Variants in FPGT observed in about 807,000 individuals in gnomAD.
FPGT encodes the protein GDP-L-fucose diphosphorylase.
In FPGT, 41 loss-of-function variants were observed where a neutral mutation model predicts 45.8. The ratio of observed to expected loss-of-function variants is 0.90; its 90% CI spans 0.70 to 1.16. The LOEUF is 1.16. Ranked by LOEUF, FPGT falls within the 50% of genes most tolerant of loss-of-function variation. FPGT has a pLI of 0.00. For synonymous variants in FPGT, 292 were observed against 247.2 expected (o/e 1.18, Z -1.70); for missense variants, 755 against 689.1 (o/e 1.10, Z -1.07).
At position 74,207,863 on chromosome 1, in the gene FPGT, A is replaced by G. The variant is rs1652408256; in HGVS notation, c.*2031A>G. Among the ~76,000 whole-genome samples the G allele has an allele frequency of 6.6e-6, 1 of 152,034 alleles. No individual in the cohort carries two copies. The highest frequency in any genetic ancestry group is 1.5e-5 in the Non-Finnish European group (1 of 67,960). ...ATGTTTATTAAGTGCTCAATACTGT[A>G]TTTTAACCTAATCTGAATTTTAATC... On this transcript the variant is annotated 3_prime_UTR_variant, in exon 4 of 4. Coordinates refer to ENST00000370898, the MANE Select transcript of FPGT (RefSeq NM_003838.5).
Position 74,204,652 on chromosome 1 carries a change from C to T in FPGT, c.605C>T (p.Thr202Ile). ...CCTTCTAGTTTGACGATAGGTACCACACATGGAGTATTTGTCTTAGATCCT... is the reference window on the plus strand; with the variant it reads ...CCTTCTAGTTTGACGATAGGTACCATACATGGAGTATTTGTCTTAGATCCT... ...AHPSSLTIGT[T>I]HGVFVLDPFD... Residue 202 changes from threonine to isoleucine, a missense_variant, in exon 4 of 4, where the codon ACA becomes ATA. By Grantham distance (89) the Thr-to-Ile change is moderately conservative (BLOSUM62 -1). Transcript: ENST00000370898. 2 of 1,613,400 alleles carry T rather than the reference C, an allele frequency of 1.2e-6. No homozygotes were observed. The highest frequency in any genetic ancestry group is 2.2e-5 in the East Asian group (1 of 44,868).
chr1:74,206,046 C>T lies in FPGT; in HGVS notation c.*214C>T. ...AAGAGATACTATTTTGGATGTGTATCAGTATTTTTGTTTTTAATAATGATT... is the reference window on the plus strand; with the variant it reads ...AAGAGATACTATTTTGGATGTGTATTAGTATTTTTGTTTTTAATAATGATT... On this transcript the variant is annotated 3_prime_UTR_variant, in exon 4 of 4. Coordinates refer to ENST00000370898, the MANE Select transcript of FPGT (RefSeq NM_003838.5). The T allele has an allele frequency of 2.6e-6, 1 of 388,020 alleles. No individual in the cohort carries two copies. The highest frequency in any genetic ancestry group is 2.1e-5 in the African/African-American group (1 of 48,156). The allele number at this position is 388,020 out of a possible 1,614,324, so 24.0% of individuals were successfully genotyped here.
In FPGT at chr1:74,201,333, C is replaced by T. The variant is rs1282615501; in HGVS notation, c.266C>T (p.Thr89Ile). ...AGAKIGNGGS[T>I]LCALQCLEKL... ...TGTTTTTAAGGAAATGGAGGATCAA[C>T]ACTTTGTGCCCTTCAATGTTTGGAA... Residue 89 changes from threonine (T) to isoleucine (I), a missense_variant, in exon 3 of 4, where the codon ACA becomes ATA. By Grantham distance (89) the Thr-to-Ile change is moderately conservative (BLOSUM62 -1). Transcript: ENST00000370898. 1 of 1,610,328 alleles carries T rather than the reference C, an allele frequency of 6.2e-7. No homozygotes were observed. The highest frequency in any genetic ancestry group is 1.7e-5 in the Admixed American group (1 of 59,072).
At chr1:74,199,610 C>T in intron 1 of FPGT, 54 bp from the exon 2 acceptor site, 1 of 1,573,624 alleles carries the variant, frequency 6.4e-7, no homozygotes, top group Non-Finnish European at 8.6e-7. Flanking sequence ...AAACCTGTGG[C>T]AACTAGAAAA....
At chr1:74,201,226 T>G (rs1651760574) in intron 2 of FPGT, 92 bp from the exon 3 acceptor site, 1 of 1,014,056 alleles carries the variant, frequency 9.9e-7, no homozygotes, top group Non-Finnish European at 1.5e-6. Context: ...AGGCAAATCC[T>G]TAAGGTTATA....
chr1:74,202,200 A>T (rs963799329), intron 3 of FPGT, among the ~76,000 whole-genome samples: 1 of 152,206 alleles, frequency 6.6e-6, no homozygotes, highest in Non-Finnish European at 1.5e-5. Context: ...TGGTTACATG[A>T]AAACCTTTGT....
In FPGT at chr1:74,198,289, C is replaced by T; in HGVS notation, c.11C>T (p.Ala4Val). ...AGGGAAGGTGGGGCTATGGCAGCTG[C>T]TAGGGACCCTCCGGAAGTATCGCTG... MAA[A>V]RDPPEVSLRE... The change falls in exon 1 of 4, where the codon GCT becomes GTT. Residue 4 changes from alanine (A) to valine (V), a missense_variant. Transcript: ENST00000370898. 1 of 1,614,106 alleles carries T rather than the reference C, an allele frequency of 6.2e-7. No homozygotes were observed. Among genetic ancestry groups the T allele is most frequent in the Non-Finnish European group, 8.5e-7 (1 of 1,180,006 alleles).
rs1652322781 is a variant in FPGT at position 74,206,865 on chromosome 1, T to A, written c.*1033T>A. ...ATAAGCATATAAGTGAAAAGTCTTA[T>A]AAGTGTAATAGAGAAAAGATTTGTC... On this transcript the variant is annotated 3_prime_UTR_variant, in exon 4 of 4. Coordinates refer to ENST00000370898, the MANE Select transcript of FPGT (RefSeq NM_003838.5). 1.3e-5 allele frequency: 2 copies of A among 152,104 alleles called. No individual in the cohort carries two copies. Among genetic ancestry groups the A allele is most frequent in the Admixed American group, 6.6e-5 (1 of 15,254 alleles). The allele number at this position is 152,104 out of a possible 1,614,324, so 9.4% of individuals were successfully genotyped here.
chr1:74,201,440 T>G (rs777099007), intron 3 of FPGT, 30 bp downstream of exon 3: 3 of 1,446,412 alleles, frequency 2.1e-6, no homozygotes, highest in Non-Finnish European at 2.8e-6. Context: ...ATTTACATTT[T>G]CTTTTTAGTC....
Position 74,199,923 on chromosome 1 carries a change from A to G in FPGT, c.250+92A>G, listed in dbSNP as rs2069302. On this transcript the variant is annotated intron_variant, in intron 2 of 3. Coordinates refer to ENST00000370898, the MANE Select transcript of FPGT (RefSeq NM_003838.5). ...CTGTGACTTACAGTGTATAAGCTGC[A>G]TATCTCTACCCACAGCTTTACAAAC... 6,779 of 1,371,828 alleles carry G rather than the reference A, an allele frequency of 4.9e-3. 271 individuals are homozygous for G. The African/African-American group carries it at 0.089, about 18-fold the overall frequency. The allele number at this position is 1,371,828 out of a possible 1,614,324, so 85.0% of individuals were successfully genotyped here.
intron 3 of FPGT, among the ~76,000 whole-genome samples, chr1:74,203,580 A>G (rs1652000360): frequency 1.3e-5 from 2 of 151,582 alleles, no homozygotes; most frequent in Non-Finnish European, 2.9e-5. Context: ...TTTAGTAGAG[A>G]TGGGGTTTCA....
Position 74,206,696 on chromosome 1 carries a change from A to T in FPGT, c.*864A>T, listed in dbSNP as rs1652310930. On this transcript the variant is annotated 3_prime_UTR_variant, in exon 4 of 4. Transcript: ENST00000370898. Reference sequence around the variant, plus strand: ...CTTATTTTTTGTCCACATGCTGGTGATGCTGAGAAACAATAATTGGCCCAA... The same window carrying T: ...CTTATTTTTTGTCCACATGCTGGTGTTGCTGAGAAACAATAATTGGCCCAA... The T allele has an allele frequency of 6.6e-6, 1 of 152,108 alleles. No individual in the cohort carries two copies. The highest frequency in any genetic ancestry group is 1.5e-5 in the Non-Finnish European group (1 of 67,972). 9.4% of individuals were successfully genotyped at this position (152,108 alleles called of 1,614,324 possible). A position where few individuals can be genotyped will look rare whatever the true frequency, so the allele number is the denominator to read the frequency against.
At chr1:74,201,157 T>C (rs910258451) in intron 2 of FPGT, among the ~76,000 whole-genome samples, 161 bp from the exon 3 acceptor site, 2 of 152,192 alleles carry the variant, frequency 1.3e-5, no homozygotes, top group Admixed American at 1.3e-4. Flanking sequence ...CTATGAGATG[T>C]TTTTAATTTT....
In FPGT at chr1:74,208,396, G is replaced by A. The variant is rs561231295; in HGVS notation, c.*2564G>A. ...TCCAATAAAGATAATTTTTTTCTGA[G>A]TTTTATCAGCAGTAGAAAAATAAGA... On this transcript the variant is annotated 3_prime_UTR_variant, in exon 4 of 4. Coordinates refer to ENST00000370898, the MANE Select transcript of FPGT (RefSeq NM_003838.5). Among the ~76,000 whole-genome samples the A allele has an allele frequency of 6.6e-6, 1 of 151,862 alleles. No homozygotes were observed. The highest frequency in any genetic ancestry group is 2.4e-5 in the African/African-American group (1 of 41,352).
rs1238175456 is a variant in FPGT at position 74,208,082 on chromosome 1, A to G, written c.*2250A>G. 1.3e-5 allele frequency among the ~76,000 whole-genome samples: 2 copies of G among 151,880 alleles called. No homozygotes were observed. The highest frequency in any genetic ancestry group is 1.3e-4 in the Admixed American group (2 of 15,236). On this transcript the variant is annotated 3_prime_UTR_variant, in exon 4 of 4. Transcript: ENST00000370898. ...CAAGTTCACATGTGAGCAAGTAACA[A>G]CTCCATGACTATTGCTGCCTGGCTA... is the stretch of plus-strand genomic sequence containing the variant.
intron 3 of FPGT, among the ~76,000 whole-genome samples, chr1:74,204,106 T>C (rs1189417874): frequency 6.6e-6 from 1 of 152,030 alleles, no homozygotes; most frequent in Non-Finnish European, 1.5e-5. Context: ...TTATTTGTTA[T>C]ACATGTAATT....
In FPGT at chr1:74,198,299, T is replaced by C. The variant is rs1351327623; in HGVS notation, c.21T>C (p.Pro7=). The C allele has an allele frequency of 1.2e-6, 2 of 1,613,978 alleles. No homozygotes were observed. The highest frequency in any genetic ancestry group is 2.2e-5 in the South Asian group (2 of 91,080). The stretch of plus-strand genomic sequence containing the variant: ...GGGCTATGGCAGCTGCTAGGGACCC[T>C]CCGGAAGTATCGCTGCGAGAAGCCA... MAAARD[P]PEVSLREATQ... Residue 7 remains proline, a synonymous_variant, in exon 1 of 4, where the codon CCT becomes CCC. Transcript: ENST00000370898.
At position 74,204,642 on chromosome 1, in the gene FPGT, A is replaced by G; in HGVS notation, c.595A>G (p.Ile199Val). Reference protein sequence around the residue: ...TALAHPSSLTIGTTHGVFVLD... With the variant: ...TALAHPSSLTVGTTHGVFVLD... ...TTTAGCTCATCCTTCTAGTTTGACG[A>G]TAGGTACCACACATGGAGTATTTGT... Residue 199 changes from isoleucine to valine, a missense_variant, in exon 4 of 4, where the codon ATA becomes GTA. Ile to Val is a conservative substitution (Grantham distance 29). Transcript: ENST00000370898. 1 of 1,613,828 alleles carries G rather than the reference A, an allele frequency of 6.2e-7. No individual in the cohort carries two copies. The highest frequency in any genetic ancestry group is 1.1e-5 in the South Asian group (1 of 91,076).
At chr1:74,198,991 G>C (rs1227948645) in intron 1 of FPGT, among the ~76,000 whole-genome samples, 1 of 152,148 alleles carries the variant, frequency 6.6e-6, no homozygotes, top group Non-Finnish European at 1.5e-5. Context: ...GACAAGTTCT[G>C]TTTGTTAACT....
Sources: allele counts gnomAD v4.1 joint callset (sites outside exome capture counted in the v4.1 genomes callset), GRCh38; gene constraint gnomAD v4.1.1; transcripts MANE v1.5; gene names NCBI Gene and HGNC (gene_info 2026-07-23, HGNC 2026-07-21).